GAS7: variants seen among roughly 807,000 people sequenced by gnomAD.
The protein encoded by GAS7 is growth arrest specific 7.
A neutral mutation model predicts 71.1 loss-of-function variants in GAS7; 28 were observed. The ratio of observed to expected loss-of-function variants is 0.39; its 90% CI spans 0.29 to 0.54. The LOEUF (loss-of-function observed/expected upper bound fraction) is 0.54. GAS7 is among the 20% of genes least tolerant of loss of function. The pLI, the probability that GAS7 is intolerant of heterozygous loss-of-function variation, is 0.62. For synonymous variants in GAS7, 258 were observed against 245.8 expected (o/e 1.05, Z -0.46); for missense variants, 436 against 627.8 (o/e 0.69, Z 3.27).
intron 1 of GAS7, among the ~76,000 whole-genome samples, chr17:10,049,094 T>G (rs985126662): frequency 2.0e-5 from 3 of 152,128 alleles, no homozygotes; most frequent in African/African-American, 7.2e-5. Context: ...ATACCAACAA[T>G]GAGGACTATT....
At chr17:10,102,918 A>C (rs1015332178) in intron 1 of GAS7, among the ~76,000 whole-genome samples, 3 of 152,146 alleles carry the variant, frequency 2.0e-5, no homozygotes, top group African/African-American at 7.2e-5. Context: ...CATATCCTGG[A>C]CACATTTTAG....
At chr17:10,073,012 G>T (rs535972129) in intron 1 of GAS7, among the ~76,000 whole-genome samples, 1 of 152,170 alleles carries the variant, frequency 6.6e-6, no homozygotes, top group Non-Finnish European at 1.5e-5. Flanking sequence ...CAGGTGGCAC[G>T]ATGGAAATAG....
At chr17:10,079,700 A>G (rs1317952396) in intron 1 of GAS7, among the ~76,000 whole-genome samples, 1 of 152,208 alleles carries the variant, frequency 6.6e-6, no homozygotes, top group East Asian at 1.9e-4. Flanking sequence ...AAATGTATAA[A>G]AACTAAGCGG....
intron 2 of GAS7, among the ~76,000 whole-genome samples, chr17:9,991,406 A>G (rs558713834): frequency 6.6e-4 from 100 of 152,292 alleles, no homozygotes; most frequent in Admixed American, 1.0e-3. Context: ...GGTGGGGAGC[A>G]GGGGCTCCTG....
intron 1 of GAS7, chr17:10,020,229 T>G (rs1160175064): frequency 4.2e-6 from 1 of 237,290 alleles, no homozygotes; most frequent in African/African-American, 2.2e-5. Context: ...AAGGGGGCCC[T>G]GTCACTCCAC....
chr17:9,993,238 C>G (rs1200565864), intron 2 of GAS7, among the ~76,000 whole-genome samples: 2 of 151,876 alleles, frequency 1.3e-5, no homozygotes, highest in African/African-American at 4.8e-5. Context: ...AAAAGTGTTC[C>G]TATTTCTCCA....
intron 2 of GAS7, among the ~76,000 whole-genome samples, chr17:10,003,165 C>T (rs2071337912): frequency 6.6e-6 from 1 of 152,138 alleles, no homozygotes; most frequent in African/African-American, 2.4e-5. Flanking sequence ...TAGAGGTCCA[C>T]CTAACACCTG....
intron 2 of GAS7, among the ~76,000 whole-genome samples, chr17:9,984,683 A>T (rs1477079906): frequency 6.6e-6 from 1 of 152,172 alleles, no homozygotes; most frequent in Non-Finnish European, 1.5e-5. Flanking sequence ...TGTTTTTCTC[A>T]ACTATAAAAT....
intron 2 of GAS7, among the ~76,000 whole-genome samples, chr17:10,015,773 A>G (rs1238983113): frequency 6.6e-6 from 1 of 152,074 alleles, no homozygotes; most frequent in Non-Finnish European, 1.5e-5. Flanking sequence ...ACTCTTTGCC[A>G]TCAGTAAGAC....
chr17:10,049,603 TTAC>T (rs1212842052), intron 1 of GAS7, among the ~76,000 whole-genome samples: 4 of 146,840 alleles, frequency 2.7e-5, no homozygotes, highest in Non-Finnish European at 6.0e-5. Context: ...TGTTTTGAAA[TTAC>T]TTCTTTTTTT....
rs548709051 is a variant in GAS7, at chr17:10,176,489, T to C, written c.183+21719A>G. Reference sequence around the variant, plus strand: ...CCAGTCATCCTCAAAATCCTTCTAGTCACCCTGAATGGGCAGCAGAATGGG... The same window carrying C: ...CCAGTCATCCTCAAAATCCTTCTAGCCACCCTGAATGGGCAGCAGAATGGG... On this transcript the variant is annotated intron_variant, in intron 1 of 13. Coordinates refer to ENST00000432992, the MANE Select transcript of GAS7 (RefSeq NM_201433.2). 2.0e-5 allele frequency among the ~76,000 whole-genome samples: 3 copies of C among 152,348 alleles called. No individual in the cohort carries two copies. In the South Asian group the frequency reaches 6.2e-4, roughly 32 times the overall value.
At chr17:10,052,284 G>T (rs576608679) in intron 1 of GAS7, among the ~76,000 whole-genome samples, 1 of 152,316 alleles carries the variant, frequency 6.6e-6, no homozygotes, top group African/African-American at 2.4e-5. Flanking sequence ...AAATACTCCA[G>T]GGTTGAAGTT....
intron 1 of GAS7, among the ~76,000 whole-genome samples, chr17:10,081,542 G>A (rs542080947): frequency 3.0e-4 from 45 of 152,282 alleles, no homozygotes; most frequent in South Asian, 1.7e-3. Context: ...AGTTTTGCAT[G>A]ACAAAATACA....
intron 3 of GAS7, among the ~76,000 whole-genome samples, chr17:9,979,582 C>T (rs985591622): frequency 6.6e-6 from 1 of 152,214 alleles, no homozygotes; most frequent in Non-Finnish European, 1.5e-5. Context: ...GGACAAGATG[C>T]TGCCTGTGGA....
chr17:10,068,520 C>T (rs888609590), intron 1 of GAS7, among the ~76,000 whole-genome samples: 8 of 151,868 alleles, frequency 5.3e-5, no homozygotes, highest in African/African-American at 1.9e-4. Context: ...CTTTGGGAGG[C>T]TGAGGCAGGA....
chr17:9,950,722 G>T (rs991280553), intron 5 of GAS7, among the ~76,000 whole-genome samples: 1 of 152,096 alleles, frequency 6.6e-6, no homozygotes, highest in Non-Finnish European at 1.5e-5. Context: ...CGGGCATGGT[G>T]GTGGGCGCCT....
chr17:10,193,377 C>G (rs1436133106), intron 1 of GAS7, among the ~76,000 whole-genome samples: 3 of 152,124 alleles, frequency 2.0e-5, no homozygotes, highest in African/African-American at 7.2e-5. Context: ...GCACTACCTC[C>G]TCACTAATGG....
chr17:10,062,291 C>A (rs1445465143), intron 1 of GAS7, among the ~76,000 whole-genome samples: 1 of 152,238 alleles, frequency 6.6e-6, no homozygotes, highest in Non-Finnish European at 1.5e-5. Flanking sequence ...TCAAGACCAG[C>A]CTGGCCAACG....
chr17:10,102,999 G>T (rs556701909), intron 1 of GAS7, among the ~76,000 whole-genome samples: 1 of 152,092 alleles, frequency 6.6e-6, no homozygotes, highest in Non-Finnish European at 1.5e-5. Flanking sequence ...TGGGATCCAG[G>T]GAGGCACCAG....
Sources: allele counts gnomAD v4.1 joint callset (sites outside exome capture counted in the v4.1 genomes callset), GRCh38; gene constraint gnomAD v4.1.1; transcripts MANE v1.5; gene names NCBI Gene and HGNC (gene_info 2026-07-23, HGNC 2026-07-21).